Variants in BCAR3 observed in about 807,000 individuals in gnomAD.
The protein encoded by BCAR3 is BCAR3 adaptor protein, NSP family member, also known as breast cancer anti-estrogen resistance protein 3.
In BCAR3, 37 loss-of-function variants were observed where a neutral mutation model predicts 80.1. The observed-to-expected ratio is 0.46, with a 90% CI of 0.36 to 0.61. BCAR3 has a LOEUF of 0.61. Among genes scored for constraint, BCAR3 ranks in the 20% least tolerant of loss-of-function variants. BCAR3 has a pLI of 0.00. For synonymous variants in BCAR3, 389 were observed against 418.9 expected (o/e 0.93, Z 0.87); for missense variants, 978 against 1,068.2 (o/e 0.92, Z 1.18).
chr1:93,741,267 G>T (rs1571087853), intron 2 of BCAR3, among the ~76,000 whole-genome samples: 1 of 152,136 alleles, frequency 6.6e-6, no homozygotes, highest in Non-Finnish European at 1.5e-5. Context: ...AAAACATGCT[G>T]AATAATAACA....
Position 93,789,462 on chromosome 1 carries a change from G to T in BCAR3, c.-63+56105C>A, listed in dbSNP as rs773959544. On this transcript the variant is annotated intron_variant, in intron 2 of 13. Coordinates refer to the BCAR3 transcript ENST00000370244. The stretch of plus-strand genomic sequence containing the variant: ...ATAGTCAAGTTGCAAGAATATGTAT[G>T]TAGTAACATTCCACATCCACAAAAA... 7.2e-5 allele frequency among the ~76,000 whole-genome samples: 11 copies of T among 152,348 alleles called. No homozygotes were observed. In the South Asian group the frequency reaches 1.9e-3, roughly 26 times the overall value.
chr1:93,726,476 T>C (rs1271171292), intron 2 of BCAR3, among the ~76,000 whole-genome samples: 2 of 152,240 alleles, frequency 1.3e-5, no homozygotes, highest in African/African-American at 2.4e-5. Flanking sequence ...TTGCATTGGC[T>C]TAACTGCTTT....
At position 93,650,864 on chromosome 1, in the gene BCAR3, G is replaced by T. The variant is rs116931829; in HGVS notation, c.318-8521C>A. On this transcript the variant is annotated intron_variant, in intron 2 of 11. Coordinates refer to ENST00000260502, the MANE Select transcript of BCAR3 (RefSeq NM_003567.4). ...GATGGGAAAGATGTGAAATCTGATTGACCAAGTTTAATTGTGAAATAGCAG... is the reference window on the plus strand; with the variant it reads ...GATGGGAAAGATGTGAAATCTGATTTACCAAGTTTAATTGTGAAATAGCAG... Among the ~76,000 whole-genome samples the T allele has an allele frequency of 2.9e-3, 439 of 152,202 alleles. 13 individuals carry two copies. The East Asian group carries it at 0.073, about 25-fold the overall frequency.
chr1:93,686,710 T>C (rs1194258857), upstream of BCAR3, among the ~76,000 whole-genome samples: 1 of 152,258 alleles, frequency 6.6e-6, no homozygotes, highest in African/African-American at 2.4e-5. Context: ...CCTGAGTAAC[T>C]GCCTGGCTTG....
intron 2 of BCAR3, among the ~76,000 whole-genome samples, chr1:93,760,817 G>C (rs1401393193): frequency 6.6e-6 from 1 of 152,090 alleles, no homozygotes; most frequent in Non-Finnish European, 1.5e-5. Flanking sequence ...TGATTGGCCA[G>C]GCCTTGGTCA....
At chr1:93,726,358 C>T (rs190725408) in intron 2 of BCAR3, among the ~76,000 whole-genome samples, 132 of 152,306 alleles carry the variant, frequency 8.7e-4, no homozygotes, top group African/African-American at 3.2e-3. Flanking sequence ...CAGGCATGAG[C>T]CACCGTGCCT....
chr1:93,703,525 C>T (rs1432546302), intron 3 of BCAR3, among the ~76,000 whole-genome samples: 1 of 150,358 alleles, frequency 6.7e-6, no homozygotes, highest in Non-Finnish European at 1.5e-5. Flanking sequence ...TATAATCTTG[C>T]CACCACACTC....
At chr1:93,672,000 T>C (rs1489687121) in intron 2 of BCAR3, among the ~76,000 whole-genome samples, 1 of 152,148 alleles carries the variant, frequency 6.6e-6, no homozygotes, top group African/African-American at 2.4e-5. Flanking sequence ...TTTTGAGGGA[T>C]ATGCATTTGT....
intron 3 of BCAR3, among the ~76,000 whole-genome samples, chr1:93,699,363 A>G (rs75654604): frequency 0.033 from 4,968 of 152,248 alleles, 265 homozygotes; most frequent in African/African-American, 0.11. Context: ...CAATCTCCCT[A>G]CAGTCTTCTT....
At chr1:93,565,465 T>C (rs12093959) in intron 11 of BCAR3, among the ~76,000 whole-genome samples, 6,053 of 152,314 alleles carry the variant, frequency 0.04, 379 homozygotes, top group African/African-American at 0.14. Flanking sequence ...CTGGGTTCAC[T>C]GTCACTTACA....
intron 2 of BCAR3, among the ~76,000 whole-genome samples, chr1:93,837,731 C>T (rs1451831007): frequency 6.6e-6 from 1 of 152,116 alleles, no homozygotes; most frequent in Non-Finnish European, 1.5e-5. Flanking sequence ...TCTTTGTTTT[C>T]TGGCTTGCAA....
At chr1:93,728,999 A>T (rs1443661491) in intron 2 of BCAR3, among the ~76,000 whole-genome samples, 1 of 152,098 alleles carries the variant, frequency 6.6e-6, no homozygotes, top group Non-Finnish European at 1.5e-5. Context: ...CTTCCCTATC[A>T]TTTAAAAGGA....
chr1:93,732,832 G>A (rs1034231097), intron 2 of BCAR3, among the ~76,000 whole-genome samples: 2 of 152,064 alleles, frequency 1.3e-5, no homozygotes, highest in African/African-American at 2.4e-5. Context: ...GACTTCTCAG[G>A]GCAGCAATTT....
upstream of BCAR3, among the ~76,000 whole-genome samples, chr1:93,684,583 C>T (rs1314099221): frequency 6.6e-6 from 1 of 152,168 alleles, no homozygotes; most frequent in Non-Finnish European, 1.5e-5. Context: ...CATCTCTATC[C>T]TCATCTTACA....
intron 8 of BCAR3, among the ~76,000 whole-genome samples, chr1:93,575,010 C>A (rs1467725685): frequency 1.3e-5 from 2 of 152,184 alleles, no homozygotes; most frequent in Non-Finnish European, 2.9e-5. Flanking sequence ...TGCTGTACAG[C>A]CGAGGAAACT....
At chr1:93,764,806 T>C (rs1275399436) in intron 2 of BCAR3, among the ~76,000 whole-genome samples, 1 of 152,172 alleles carries the variant, frequency 6.6e-6, no homozygotes, top group East Asian at 1.9e-4. Flanking sequence ...TAGCTCTCCT[T>C]TGGGCTCTGT....
At chr1:93,822,400 C>A (rs1196315640) in intron 2 of BCAR3, among the ~76,000 whole-genome samples, 1 of 149,578 alleles carries the variant, frequency 6.7e-6, no homozygotes, top group Non-Finnish European at 1.5e-5. Flanking sequence ...AGTGCAATGG[C>A]GTGGTCTTGG....
chr1:93,639,540 G>A (rs1460186753), intron 3 of BCAR3, among the ~76,000 whole-genome samples: 6 of 148,546 alleles, frequency 4.0e-5, no homozygotes, highest in African/African-American at 7.5e-5. Flanking sequence ...GCAATCGTGC[G>A]ACTTCAGCTC....
At chr1:93,568,668 A>T (rs997372283) in intron 9 of BCAR3, among the ~76,000 whole-genome samples, 1 of 152,026 alleles carries the variant, frequency 6.6e-6, no homozygotes, top group African/African-American at 2.4e-5. Flanking sequence ...TTTTAAAAAT[A>T]AATACATGCA....
Sources: gnomAD v4.1 joint callset for allele counts (sites outside exome capture counted in the v4.1 genomes callset) on GRCh38, gnomAD v4.1.1 for gene constraint, MANE v1.5 for transcripts, NCBI Gene and HGNC (gene_info 2026-07-23, HGNC 2026-07-21) for gene names.